EARS2: variants seen among roughly 807,000 people sequenced by gnomAD.
The protein encoded by EARS2 is glutamyl-tRNA synthetase 2, mitochondrial, also known as nondiscriminating glutamyl-tRNA synthetase EARS2, mitochondrial.
EARS2 carries 50 observed loss-of-function variants against 54.1 expected under a neutral mutation model. The observed-to-expected ratio is 0.92, with a 90% CI of 0.74 to 1.17. The LOEUF (loss-of-function observed/expected upper bound fraction) is 1.17. Among genes scored for constraint, EARS2 ranks in the 50% most tolerant of loss-of-function variants. The probability of loss-of-function intolerance (pLI) is 0.00; values close to 1 mark genes in which losing one functional copy is unlikely to be tolerated. For synonymous variants in EARS2, 298 were observed against 281.0 expected (o/e 1.06, Z -0.61); for missense variants, 673 against 675.0 (o/e 1.00, Z 0.03).
intron 3 of EARS2, among the ~76,000 whole-genome samples, chr16:23,541,838 C>T (rs780226996): frequency 1.3e-5 from 2 of 151,080 alleles, no homozygotes; most frequent in African/African-American, 2.4e-5. Flanking sequence ...GGATTACAGG[C>T]GTGCACCACC....
At chr16:23,547,527 A>G (rs999443219) in intron 2 of EARS2, among the ~76,000 whole-genome samples, 2 of 152,116 alleles carry the variant, frequency 1.3e-5, no homozygotes, top group Non-Finnish European at 2.9e-5. Flanking sequence ...TTCCCCGAAG[A>G]CAGAGTCTAG....
At chr16:23,528,581 C>T (rs899821139) in intron 7 of EARS2, among the ~76,000 whole-genome samples, 1 of 152,170 alleles carries the variant, frequency 6.6e-6, no homozygotes, top group African/African-American at 2.4e-5. Context: ...CAGGCAGTTA[C>T]GACACTGAAT....
At chr16:23,543,117 C>A (rs1405335474) in intron 3 of EARS2, among the ~76,000 whole-genome samples, 547 of 71,830 alleles carry the variant, frequency 7.6e-3, no homozygotes, top group Middle Eastern at 0.017. Flanking sequence ...TCTGTCTCAC[C>A]AAAAAAAAAA....
intron 5 of EARS2, among the ~76,000 whole-genome samples, chr16:23,532,054 C>A (rs919009430): frequency 6.6e-6 from 1 of 152,220 alleles, no homozygotes; most frequent in East Asian, 1.9e-4. Context: ...CTCAGGTGAT[C>A]TGCCAACCTT....
In EARS2 at chr16:23,525,326, A is replaced by C; in HGVS notation, c.1406T>G (p.Leu469Arg). ...TTCCAGACCTTCTGATAGCTTCTTC[A>C]GTTCTCCATTCAGCATATCCTGAGT... is the stretch of plus-strand genomic sequence containing the variant. ...SLTQDMLNGE[L>R]KKLSEGLEGT... The change falls in exon 8 of 9, where the codon CTG (leucine) becomes CGG (arginine). Residue 469 changes from leucine to arginine, a missense_variant. Leu to Arg is a moderately radical substitution (Grantham distance 102). Around this residue, in one of 3 missense-constraint regions of EARS2, gnomAD observed 338 missense variants for 361.2 expected, o/e 0.94. Coordinates refer to ENST00000449606, the MANE Select transcript of EARS2 (RefSeq NM_001083614.2). 1.2e-6 allele frequency: 2 copies of C among 1,614,046 alleles called. No homozygotes were observed. The highest frequency in any genetic ancestry group is 1.7e-6 in the Non-Finnish European group (2 of 1,179,984).
rs75781747 is a variant in EARS2 at position 23,522,105 on chromosome 16, C to T, written c.*2266G>A. ...TGGGAGAGGGTGAGGCTCATATAAGCGCACAATAAATTACAAGTATTATTA... is the reference window on the plus strand; with the variant it reads ...TGGGAGAGGGTGAGGCTCATATAAGTGCACAATAAATTACAAGTATTATTA... On this transcript the variant is annotated 3_prime_UTR_variant, in exon 9 of 9. Transcript: ENST00000449606. 10 of 274,900 alleles carry T rather than the reference C, an allele frequency of 3.6e-5. No homozygotes were observed. The highest frequency in any genetic ancestry group is 1.4e-4 in the South Asian group (4 of 27,742). 17.0% of individuals were successfully genotyped at this position (274,900 alleles called of 1,614,324 possible).
Position 23,523,029 on chromosome 16 carries a change from A to G in EARS2, c.*1342T>C, listed in dbSNP as rs1411615353. ...AAGCGATCAAAGAAAACAAGACAGA[A>G]GCCACGATGTATTTTATGACTTACC... On this transcript the variant is annotated 3_prime_UTR_variant, in exon 9 of 9. Coordinates refer to ENST00000449606, the MANE Select transcript of EARS2 (RefSeq NM_001083614.2). 6.6e-6 allele frequency: 1 copy of G among 152,270 alleles called. No homozygotes were observed. The highest frequency in any genetic ancestry group is 1.5e-5 in the Non-Finnish European group (1 of 68,068). 9.4% of individuals were successfully genotyped at this position (152,270 alleles called of 1,614,324 possible). A position where few individuals can be genotyped will look rare whatever the true frequency, so the allele number is the denominator to read the frequency against.
intron 7 of EARS2, among the ~76,000 whole-genome samples, chr16:23,527,416 T>G (rs1266929658): frequency 6.6e-6 from 1 of 152,146 alleles, no homozygotes; most frequent in African/African-American, 2.4e-5. Flanking sequence ...GTCAACTCAG[T>G]ATGGACCACT....
At chr16:23,542,534 C>T (rs1425069841) in intron 3 of EARS2, among the ~76,000 whole-genome samples, 3 of 150,934 alleles carry the variant, frequency 2.0e-5, no homozygotes, top group Non-Finnish European at 4.4e-5. Flanking sequence ...CAGGCTGGTC[C>T]TGAACTCTTG....
chr16:23,543,730 CAAA>C (rs565590236), intron 3 of EARS2, among the ~76,000 whole-genome samples: 3 of 58,800 alleles, frequency 5.1e-5, no homozygotes, highest in African/African-American at 1.2e-4. Context: ...GAGACTGTCT[CAAA>C]AAAAAAAAAA....
chr16:23,538,072 C>T (rs1007346288), intron 3 of EARS2, among the ~76,000 whole-genome samples: 2 of 137,360 alleles, frequency 1.5e-5, no homozygotes, highest in African/African-American at 5.3e-5. Context: ...CATGAGCCAC[C>T]GCACCTAGCT....
In EARS2 at chr16:23,543,117, C is replaced by CAA. The variant is rs35137770; in HGVS notation, c.485+1395_485+1396dup. Among the ~76,000 whole-genome samples the CAA allele has an allele frequency of 8.5e-3, 609 of 71,874 alleles. 20 individuals are homozygous for CAA. The highest frequency in any genetic ancestry group is 0.019 in the African/African-American group (287 of 15,270). 47.2% of individuals were successfully genotyped at this position (71,874 alleles called of 152,430 possible). A position where few individuals can be genotyped will look rare whatever the true frequency, so the allele number is the denominator to read the frequency against. ...GTAGCAGAGCAAGACTCTGTCTCAC[C>CAA]AAAAAAAAAAAAAAAAAAAAGTCAG... On this transcript the variant is annotated intron_variant, in intron 3 of 8. Transcript: ENST00000449606.
intron 2 of EARS2, among the ~76,000 whole-genome samples, chr16:23,546,062 T>A (rs1194931866): frequency 1.3e-5 from 2 of 152,168 alleles, no homozygotes; most frequent in African/African-American, 4.8e-5. Context: ...GAGGGAATTG[T>A]GAGAACAAAT....
At chr16:23,552,523 C>G (rs1025097576) in intron 1 of EARS2, among the ~76,000 whole-genome samples, 2 of 151,446 alleles carry the variant, frequency 1.3e-5, no homozygotes, top group African/African-American at 4.8e-5. Flanking sequence ...AAGAGTCTCA[C>G]TCTGTCACCC....
intron 3 of EARS2, among the ~76,000 whole-genome samples, chr16:23,542,887 G>A (rs1965539013): frequency 6.6e-6 from 1 of 151,954 alleles, no homozygotes; most frequent in Non-Finnish European, 1.5e-5. Context: ...GGCTGAGGTG[G>A]GAAGATTGTT....
At chr16:23,546,992 G>C (rs1227183099) in intron 2 of EARS2, among the ~76,000 whole-genome samples, 1 of 152,152 alleles carries the variant, frequency 6.6e-6, no homozygotes, top group Non-Finnish European at 1.5e-5. Flanking sequence ...CTTTAATGTG[G>C]TATCTTGGAA....
In EARS2 at chr16:23,535,126, G is replaced by A. The variant is rs1223065785; in HGVS notation, c.720C>T (p.Gly240=). 8 of 1,612,492 alleles carry A rather than the reference G, an allele frequency of 5.0e-6. No homozygotes were observed. The highest frequency in any genetic ancestry group is 1.7e-5 in the Admixed American group (1 of 59,884). ...LACVVDDHHM[G]ISHVLRGSEW... ...CAGAGCCTCGCAGCACGTGGCTGAT[G>A]CCCATGTGGTGGTCGTCCACCACGC... Residue 240 remains glycine, a synonymous_variant, in exon 4 of 9, where the codon GGC becomes GGT. Transcript: ENST00000449606.
intron 1 of EARS2, among the ~76,000 whole-genome samples, chr16:23,552,830 T>C (rs1418993651): frequency 6.6e-6 from 1 of 152,220 alleles, no homozygotes; most frequent in African/African-American, 2.4e-5. Context: ...TTTGCCATGG[T>C]GGTCAGGCTG....
intron 3 of EARS2, among the ~76,000 whole-genome samples, chr16:23,540,158 C>T (rs1051109009): frequency 6.6e-6 from 1 of 151,870 alleles, no homozygotes; most frequent in Non-Finnish European, 1.5e-5. Flanking sequence ...CATCTCAAAA[C>T]AAAACAAAAC....
Sources: gnomAD v4.1 joint callset for allele counts (sites outside exome capture counted in the v4.1 genomes callset) on GRCh38, gnomAD v4.1.1 for gene constraint, gnomAD v4.1.1 regional missense constraint, MANE v1.5 for transcripts, NCBI Gene and HGNC (gene_info 2026-07-23, HGNC 2026-07-21) for gene names.